Variants in AFG2A observed in about 807,000 individuals in gnomAD.
AFG2A encodes AAA ATPase AFG2A, also known as ATPase family gene 2 protein homolog A.
chr4:123,090,713 A>G, the AFG2A span: 2 of 1,609,880 alleles, frequency 1.2e-6, no homozygotes, highest in Non-Finnish European at 1.7e-6. Context: ...AAGGTAAGAG[A>G]GAAGGCATTG....
chr4:123,036,107 AAAT>A, the AFG2A span, among the ~76,000 whole-genome samples: 1 of 152,204 alleles, frequency 6.6e-6, no homozygotes, highest in African/African-American at 2.4e-5. Context: ...GGAATAGCAA[AAAT>A]AACACCTTCT....
At chr4:123,158,750 CAG>C in the AFG2A span, among the ~76,000 whole-genome samples, 2 of 152,152 alleles carry the variant, frequency 1.3e-5, no homozygotes, top group Admixed American at 6.5e-5. Flanking sequence ...CTGCAGCAGT[CAG>C]AGGAAGGAAG....
the AFG2A span, among the ~76,000 whole-genome samples, chr4:123,251,266 A>T: frequency 3.0e-4 from 46 of 152,310 alleles, no homozygotes; most frequent in Middle Eastern, 3.4e-3. Context: ...AACTTTAAAA[A>T]AATAACCAAG....
At chr4:123,094,329 A>T in the AFG2A span, among the ~76,000 whole-genome samples, 1 of 152,064 alleles carries the variant, frequency 6.6e-6, no homozygotes, top group Non-Finnish European at 1.5e-5. Flanking sequence ...CCAACCCCCT[A>T]TTTCCCATCA....
the AFG2A span, among the ~76,000 whole-genome samples, chr4:123,191,265 G>A: frequency 6.6e-6 from 1 of 151,894 alleles, no homozygotes; most frequent in Admixed American, 6.6e-5. Flanking sequence ...GAAATATAAG[G>A]ATATTCCTAT....
the AFG2A span, among the ~76,000 whole-genome samples, chr4:123,183,139 C>T: frequency 6.6e-6 from 1 of 152,030 alleles, no homozygotes; most frequent in African/African-American, 2.4e-5. Context: ...CCAGTCAGTA[C>T]CATGGTTTTT....
chr4:123,291,777 CTTTT>C, the AFG2A span, among the ~76,000 whole-genome samples: 1 of 152,176 alleles, frequency 6.6e-6, no homozygotes, highest in African/African-American at 2.4e-5. Flanking sequence ...TTATCTGATG[CTTTT>C]GTCTCACTAC....
the AFG2A span, among the ~76,000 whole-genome samples, chr4:122,964,742 G>T: frequency 6.6e-6 from 1 of 152,122 alleles, no homozygotes; most frequent in Admixed American, 6.5e-5. Context: ...AGAGGGTTTG[G>T]AATAGACTGG....
chr4:122,928,452 T>C, the AFG2A span, among the ~76,000 whole-genome samples: 1 of 152,214 alleles, frequency 6.6e-6, no homozygotes, highest in African/African-American at 2.4e-5. Context: ...AAATTTTTTG[T>C]CTGCTGATGG....
At chr4:123,187,145 A>G in the AFG2A span, among the ~76,000 whole-genome samples, 3 of 152,336 alleles carry the variant, frequency 2.0e-5, no homozygotes, top group African/African-American at 7.2e-5. Flanking sequence ...ATTCAAAATT[A>G]TAAATAACCA....
At chr4:123,093,551 C>A in the AFG2A span, among the ~76,000 whole-genome samples, 1 of 152,166 alleles carries the variant, frequency 6.6e-6, no homozygotes, top group South Asian at 2.1e-4. Context: ...GGACTAGATC[C>A]TGTTTTGTTC....
At chr4:123,221,627 T>C in the AFG2A span, among the ~76,000 whole-genome samples, 1 of 152,122 alleles carries the variant, frequency 6.6e-6, no homozygotes, top group Non-Finnish European at 1.5e-5. Context: ...TATAGTTTCT[T>C]AAAAAATGTA....
the AFG2A span, among the ~76,000 whole-genome samples, chr4:123,084,883 G>A: frequency 6.6e-5 from 10 of 151,914 alleles, no homozygotes; most frequent in African/African-American, 2.4e-4. Flanking sequence ...CTTCCACCTC[G>A]GCCTCCCAAA....
At chr4:122,951,020 G>A in the AFG2A span, among the ~76,000 whole-genome samples, 3 of 152,192 alleles carry the variant, frequency 2.0e-5, no homozygotes, top group African/African-American at 7.2e-5. Flanking sequence ...CACATCGTCT[G>A]TGGGGACTCC....
chr4:123,311,419 A>T, the AFG2A span, among the ~76,000 whole-genome samples: 1 of 152,080 alleles, frequency 6.6e-6, no homozygotes, highest in Non-Finnish European at 1.5e-5. Flanking sequence ...CAAGGTCAGG[A>T]GATCGAGACC....
chr4:123,251,202 A>T, the AFG2A span, among the ~76,000 whole-genome samples: 2 of 152,210 alleles, frequency 1.3e-5, no homozygotes, highest in South Asian at 4.1e-4. Context: ...TTAGAAAGGA[A>T]ATTTTAAAAT....
chr4:122,941,849 T>C, the AFG2A span, among the ~76,000 whole-genome samples: 387 of 130,126 alleles, frequency 3.0e-3, no homozygotes, highest in East Asian at 0.01. Context: ...ATGAAGGTTG[T>C]TGAATTTTGT....
At chr4:123,313,784 T>C in the AFG2A span, 1 of 1,079,158 alleles carries the variant, frequency 9.3e-7, no homozygotes, top group Non-Finnish European at 1.3e-6. Flanking sequence ...AATGGGCATT[T>C]AGTTGTAGAA....
chr4:123,103,048 T>C, the AFG2A span, among the ~76,000 whole-genome samples: 1 of 152,068 alleles, frequency 6.6e-6, no homozygotes, highest in Non-Finnish European at 1.5e-5. Flanking sequence ...TTGATAACTT[T>C]GGTATTGCAG....
Sources: allele counts gnomAD v4.1 joint callset (sites outside exome capture counted in the v4.1 genomes callset), GRCh38; gene constraint gnomAD v4.1.1; transcripts MANE v1.5; gene names NCBI Gene and HGNC (gene_info 2026-07-23, HGNC 2026-07-21).